SH2D4A: variants seen among roughly 807,000 people sequenced by gnomAD.
SH2D4A encodes SH2 domain containing 4A, also known as SH2 domain-containing protein 4A.
A neutral mutation model predicts 64.7 loss-of-function variants in SH2D4A; 70 were observed. The observed-to-expected ratio is 1.08, with a 90% CI of 0.89 to 1.32. The LOEUF (loss-of-function observed/expected upper bound fraction) is 1.32. Among genes scored for constraint, SH2D4A ranks in the 40% most tolerant of loss-of-function variants. The pLI is 0.00. For missense variants in SH2D4A, 706 were observed against 540.1 expected, an observed-to-expected ratio of 1.31 and a Z score of -3.04; for synonymous variants, 268 against 200.7, an observed-to-expected ratio of 1.34 and a Z score of -2.83.
chr8:19,316,023 G>A (rs1182501180), intron 1 of SH2D4A, among the ~76,000 whole-genome samples: 1 of 152,216 alleles, frequency 6.6e-6, no homozygotes, highest in Admixed American at 6.5e-5. Flanking sequence ...TGAGGCTGGA[G>A]TGCCTCTGGG....
Position 19,335,450 on chromosome 8 carries a change from A to G in SH2D4A, c.513+593A>G, listed in dbSNP as rs117030457. Among the ~76,000 whole-genome samples, 108 of 152,326 alleles carry G rather than the reference A, an allele frequency of 7.1e-4. 1 individual carries two copies. In the East Asian group the frequency reaches 0.011, roughly 15 times the overall value. On this transcript the variant is annotated intron_variant, in intron 4 of 9. Coordinates refer to ENST00000265807, the MANE Select transcript of SH2D4A (RefSeq NM_022071.4). ...TTAAGATATTTTCAGGTTCTCCTCA[A>G]TGCTGCCCCATTATATGTCTTCTGT...
At chr8:19,388,093 A>AATGAACAC (rs2053421398) in intron 8 of SH2D4A, among the ~76,000 whole-genome samples, 2 of 152,190 alleles carry the variant, frequency 1.3e-5, no homozygotes, top group South Asian at 4.1e-4. Flanking sequence ...CAAGGTGAGA[A>AATGAACAC]ATGAACACCC....
Position 19,333,066 on chromosome 8 carries a change from T to C in SH2D4A, c.293T>C (p.Ile98Thr), listed in dbSNP as rs1397741353. The change falls in exon 3 of 10, where the codon ATT becomes ACT. Residue 98 changes from isoleucine to threonine, a missense_variant. Coordinates refer to ENST00000265807, the MANE Select transcript of SH2D4A (RefSeq NM_022071.4). ...KPYDVLCNEI[I>T]AERARLKAEQ... ...TATGATGTGCTCTGTAATGAAATTA[T>C]TGCTGAGAGGGCCCGGCTGAAAGCA... The C allele has an allele frequency of 1.3e-5, 21 of 1,614,004 alleles. No homozygotes were observed. The highest frequency in any genetic ancestry group is 1.7e-5 in the Non-Finnish European group (20 of 1,179,988).
Position 19,313,897 on chromosome 8 carries a change from C to G in SH2D4A, c.-205+74C>G, listed in dbSNP as rs992950423. The G allele has an allele frequency of 2.3e-5, 31 of 1,369,960 alleles. No individual in the cohort carries two copies. In the African/African-American group the frequency reaches 4.4e-4, roughly 19 times the overall value. The allele number at this position is 1,369,960 out of a possible 1,614,324, so 84.9% of individuals were successfully genotyped here. Reference sequence around the variant, plus strand: ...GGGAGTAGGGGGAAGGGAATTTCCTCGGAGGTTGCATGGGTGCATGGGAGG... The same window carrying G: ...GGGAGTAGGGGGAAGGGAATTTCCTGGGAGGTTGCATGGGTGCATGGGAGG... On this transcript the variant is annotated intron_variant, in intron 1 of 9. Coordinates refer to ENST00000265807, the MANE Select transcript of SH2D4A (RefSeq NM_022071.4).
At chr8:19,315,827 T>C (rs1442437976) in intron 1 of SH2D4A, among the ~76,000 whole-genome samples, 4 of 152,230 alleles carry the variant, frequency 2.6e-5, no homozygotes, top group Non-Finnish European at 5.9e-5. Flanking sequence ...GTTAATTTCC[T>C]GATTTCTATT....
chr8:19,373,766 A>G, intron 8 of SH2D4A, 106 bp downstream of exon 8: 1 of 1,390,526 alleles, frequency 7.2e-7, no homozygotes, highest in Non-Finnish European at 9.6e-7. Flanking sequence ...GTGCTGCCCA[A>G]AAAGAGTCTT....
chr8:19,347,380 A>G (rs2052629110), intron 4 of SH2D4A, among the ~76,000 whole-genome samples: 1 of 152,196 alleles, frequency 6.6e-6, no homozygotes, highest in South Asian at 2.1e-4. Flanking sequence ...GAGTTTGGGT[A>G]TGAACTGCGA....
intron 6 of SH2D4A, among the ~76,000 whole-genome samples, chr8:19,363,070 G>C (rs1230547060): frequency 6.6e-6 from 1 of 151,820 alleles, no homozygotes; most frequent in African/African-American, 2.4e-5. Flanking sequence ...TATGTTGGGG[G>C]TATTGATTAT....
chr8:19,328,706 T>C (rs2052322751), intron 2 of SH2D4A, among the ~76,000 whole-genome samples: 1 of 152,216 alleles, frequency 6.6e-6, no homozygotes, highest in African/African-American at 2.4e-5. Flanking sequence ...CCTTGCACCA[T>C]CTGCTCAGAA....
chr8:19,314,042 CCG>C (rs1585136081), intron 1 of SH2D4A: 1 of 1,196,900 alleles, frequency 8.4e-7, no homozygotes, highest in Admixed American at 4.5e-5. Flanking sequence ...TGTCCGGTGT[CCG>C]GTGTCCGGTG....
At chr8:19,331,414 C>G (rs1264044363) in intron 2 of SH2D4A, among the ~76,000 whole-genome samples, 1 of 152,160 alleles carries the variant, frequency 6.6e-6, no homozygotes, top group Non-Finnish European at 1.5e-5. Context: ...CACCTTTGGC[C>G]CACAGTTGCC....
chr8:19,374,394 C>T (rs1204379553), intron 8 of SH2D4A, among the ~76,000 whole-genome samples: 2 of 152,138 alleles, frequency 1.3e-5, no homozygotes, highest in Non-Finnish European at 2.9e-5. Flanking sequence ...TTGAATTGGA[C>T]TAATTGGCTA....
At chr8:19,337,580 A>T (rs1205007021) in intron 4 of SH2D4A, among the ~76,000 whole-genome samples, 1 of 152,154 alleles carries the variant, frequency 6.6e-6, no homozygotes, top group Non-Finnish European at 1.5e-5. Context: ...CATGCTGCTG[A>T]TAAAGACATA....
intron 4 of SH2D4A, among the ~76,000 whole-genome samples, chr8:19,353,674 GTTTTT>G (rs55989081): frequency 1.9e-5 from 2 of 105,208 alleles, no homozygotes; most frequent in African/African-American, 3.8e-5. Context: ...GCCTCTAGCT[GTTTTT>G]TTTTTTTTTT....
At chr8:19,368,267 G>C (rs2053034897) in intron 7 of SH2D4A, among the ~76,000 whole-genome samples, 1 of 152,082 alleles carries the variant, frequency 6.6e-6, no homozygotes, top group Non-Finnish European at 1.5e-5. Flanking sequence ...TAGATTTGTA[G>C]TATATTTTAA....
In SH2D4A at chr8:19,361,162, T is replaced by C. The variant is rs767383647; in HGVS notation, c.595-41T>C. 3 of 1,286,796 alleles carry C rather than the reference T, an allele frequency of 2.3e-6. 1 individual carries two copies. The South Asian group carries it at 4.1e-5, about 18-fold the overall frequency. 79.7% of individuals were successfully genotyped at this position (1,286,796 alleles called of 1,614,324 possible). A position where few individuals can be genotyped will look rare whatever the true frequency, so the allele number is the denominator to read the frequency against. ...TTGCTCACCAAGGTTCTTTTTTTGT[T>C]TTGTTTTGTTTTTGTTTTTTTTTGT... On this transcript the variant is annotated intron_variant, in intron 5 of 9. Coordinates refer to ENST00000265807, the MANE Select transcript of SH2D4A (RefSeq NM_022071.4).
At chr8:19,357,403 G>A (rs2052810318) in intron 5 of SH2D4A, 120 bp downstream of exon 5, 3 of 782,668 alleles carry the variant, frequency 3.8e-6, no homozygotes, top group African/African-American at 3.5e-5. Flanking sequence ...TGGGAAATCT[G>A]TCCTAAAAGC....
intron 4 of SH2D4A, among the ~76,000 whole-genome samples, chr8:19,336,792 A>C (rs2052452672): frequency 6.6e-6 from 1 of 152,168 alleles, no homozygotes; most frequent in Non-Finnish European, 1.5e-5. Context: ...GATTGAGCCC[A>C]GGAATTTGAG....
At chr8:19,363,909 C>G in intron 6 of SH2D4A, 163 bp from the exon 7 acceptor site, 1 of 666,022 alleles carries the variant, frequency 1.5e-6, no homozygotes. Context: ...TGGGCAAGCC[C>G]TAATGGCCTG....
Sources: gnomAD v4.1 joint callset for allele counts (sites outside exome capture counted in the v4.1 genomes callset) on GRCh38, gnomAD v4.1.1 for gene constraint, MANE v1.5 for transcripts, NCBI Gene and HGNC (gene_info 2026-07-23, HGNC 2026-07-21) for gene names.